The following AGBL1 variants were observed in gnomAD, a reference collection of about 807,000 sequenced individuals.
AGBL1 encodes cytosolic carboxypeptidase 4.
Under a neutral mutation model 118.9 loss-of-function variants are expected in AGBL1, and 130 were observed. The observed-to-expected ratio is 1.09, with a 90% confidence interval of 0.95 to 1.26. The LOEUF (loss-of-function observed/expected upper bound fraction) is 1.26. Among genes scored for constraint, AGBL1 ranks in the 50% most tolerant of loss-of-function variants. The probability of loss-of-function intolerance (pLI) is 0.00; values close to 1 mark genes in which losing one functional copy is unlikely to be tolerated. For synonymous variants in AGBL1, 555 were observed against 478.9 expected (o/e 1.16, Z -2.08); for missense variants, 1,584 against 1,298.1 (o/e 1.22, Z -3.38).
intron 22 of AGBL1, among the ~76,000 whole-genome samples, chr15:86,715,499 G>A (rs2086623983): frequency 6.6e-6 from 1 of 152,126 alleles, no homozygotes; most frequent in Admixed American, 6.5e-5. Flanking sequence ...TGGTGATTTA[G>A]TCTTATTTTA....
At chr15:86,795,281 G>A (rs942756847) in intron 22 of AGBL1, among the ~76,000 whole-genome samples, 3 of 152,150 alleles carry the variant, frequency 2.0e-5, no homozygotes, top group African/African-American at 7.2e-5. Flanking sequence ...CCTGGACGGA[G>A]GCTGATTGGT....
intron 24 of AGBL1, among the ~76,000 whole-genome samples, chr15:87,014,233 A>G (rs1008251652): frequency 2.0e-5 from 3 of 151,956 alleles, no homozygotes; most frequent in Non-Finnish European, 2.9e-5. Flanking sequence ...CACAATATAT[A>G]TGTCTAATGT....
intron 23 of AGBL1, among the ~76,000 whole-genome samples, chr15:86,961,154 TG>T (rs2080988876): frequency 6.6e-6 from 1 of 152,102 alleles, no homozygotes; most frequent in South Asian, 2.1e-4. Context: ...TAGCTTGATG[TG>T]GTTATCATTT....
chr15:86,611,076 A>G (rs2084647813), intron 21 of AGBL1, among the ~76,000 whole-genome samples: 1 of 152,178 alleles, frequency 6.6e-6, no homozygotes, highest in Non-Finnish European at 1.5e-5. Context: ...ACTAAACTAG[A>G]CTGCAAAATT....
rs115439106 is a variant in AGBL1 at position 86,527,920 on chromosome 15, T to G, written c.2685+4981T>G. Among the ~76,000 whole-genome samples, 652 of 152,272 alleles carry G rather than the reference T, an allele frequency of 4.3e-3. 6 individuals carry two copies. The highest frequency in any genetic ancestry group is 0.015 in the African/African-American group (603 of 41,546). On this transcript the variant is annotated intron_variant, in intron 19 of 22. Coordinates refer to ENST00000614907, the MANE Select transcript of AGBL1 (RefSeq NM_001386094.1). ...CTCATCCATATATCTGTCCATCCAC[T>G]CACCTAGCCATCCATCATCCATTCA... is the stretch of plus-strand genomic sequence containing the variant.
At chr15:86,083,274 C>T (rs1895413247) in intron 1 of AGBL1, 2 of 152,230 alleles carry the variant, frequency 1.3e-5, no homozygotes, top group South Asian at 4.1e-4. Context: ...GGGGAACTGC[C>T]AGCGTTGCAG....
chr15:86,361,600 A>G (rs183212578), intron 17 of AGBL1, among the ~76,000 whole-genome samples: 52 of 152,126 alleles, frequency 3.4e-4, no homozygotes, highest in Admixed American at 3.3e-3. Context: ...AGATCTGTCA[A>G]TGTTCACTTT....
chr15:87,027,908 C>T (rs1367079457), intron 24 of AGBL1, among the ~76,000 whole-genome samples: 1 of 151,718 alleles, frequency 6.6e-6, no homozygotes, highest in Non-Finnish European at 1.5e-5. Context: ...GGAGGGCAAG[C>T]CCCAGGAAGA....
intron 1 of AGBL1, among the ~76,000 whole-genome samples, chr15:86,091,149 C>A (rs1017405080): frequency 6.6e-6 from 1 of 152,112 alleles, no homozygotes; most frequent in Non-Finnish European, 1.5e-5. Context: ...GGAGATTTGC[C>A]TAGCAATATA....
chr15:86,362,511 T>A (rs1329889954), intron 17 of AGBL1, among the ~76,000 whole-genome samples: 4 of 152,206 alleles, frequency 2.6e-5, no homozygotes, highest in Admixed American at 6.5e-5. Context: ...GGATCCATAA[T>A]TCGGCTAAGT....
At position 86,907,732 on chromosome 15, in the gene AGBL1, T is replaced by C. The variant is rs1162340130; in HGVS notation, c.*438T>C. The C allele has an allele frequency of 6.6e-6, 1 of 152,162 alleles. No homozygotes were observed. The highest frequency in any genetic ancestry group is 1.5e-5 in the Non-Finnish European group (1 of 68,032). The allele number at this position is 152,162 out of a possible 1,614,324, so 9.4% of individuals were successfully genotyped here. A position where few individuals can be genotyped will look rare whatever the true frequency, so the allele number is the denominator to read the frequency against. The stretch of plus-strand genomic sequence containing the variant: ...ATACAAGTGTTATCTTCCAATGTTA[T>C]CTCCCCACCATAGCATTTGAGCACC... On this transcript the variant is annotated 3_prime_UTR_variant, in exon 23 of 23. Coordinates refer to ENST00000614907, the MANE Select transcript of AGBL1 (RefSeq NM_001386094.1).
chr15:86,215,309 C>T (rs555331090), intron 5 of AGBL1, among the ~76,000 whole-genome samples: 46 of 150,898 alleles, frequency 3.0e-4, no homozygotes, highest in African/African-American at 9.0e-4. Context: ...GGCAGGAGGC[C>T]GGCGCTGTAG....
At chr15:86,704,718 G>C (rs1356919760) in intron 22 of AGBL1, among the ~76,000 whole-genome samples, 1 of 152,180 alleles carries the variant, frequency 6.6e-6, no homozygotes, top group Non-Finnish European at 1.5e-5. Flanking sequence ...GTGGAAAACA[G>C]TGTGGCGATT....
chr15:86,183,501 T>C (rs2077581773), intron 5 of AGBL1, among the ~76,000 whole-genome samples: 2 of 152,154 alleles, frequency 1.3e-5, no homozygotes, highest in South Asian at 4.1e-4. Flanking sequence ...CATATGTATT[T>C]TCACCACACC....
chr15:86,663,506 C>T (rs1020651072), intron 21 of AGBL1, among the ~76,000 whole-genome samples: 22 of 152,006 alleles, frequency 1.4e-4, no homozygotes, highest in Non-Finnish European at 2.9e-5. Context: ...GGATGTGGAG[C>T]TTAGGGATCA....
chr15:86,080,047 A>G, intron 1 of AGBL1, 24 bp downstream of exon 1: 1 of 1,232,082 alleles, frequency 8.1e-7, no homozygotes, highest in Non-Finnish European at 1.0e-6. Context: ...GAGTGGGTGC[A>G]GAACCCGGCG....
At chr15:86,243,535 A>G (rs2078670811) in intron 6 of AGBL1, among the ~76,000 whole-genome samples, 1 of 152,172 alleles carries the variant, frequency 6.6e-6, no homozygotes, top group Non-Finnish European at 1.5e-5. Context: ...TGCCAAAGGA[A>G]AACTGGCCAA....
intron 9 of AGBL1, among the ~76,000 whole-genome samples, chr15:86,259,671 A>G (rs1222402782): frequency 2.0e-5 from 3 of 152,204 alleles, no homozygotes; most frequent in Non-Finnish European, 2.9e-5. Flanking sequence ...ATCATTTCTG[A>G]AGTCATCCGT....
At chr15:86,733,293 A>G (rs1195987119) in intron 22 of AGBL1, among the ~76,000 whole-genome samples, 1 of 152,138 alleles carries the variant, frequency 6.6e-6, no homozygotes, top group Non-Finnish European at 1.5e-5. Flanking sequence ...AGAGAGTGTG[A>G]TAAAAAGTTT....
Sources: allele counts gnomAD v4.1 joint callset (sites outside exome capture counted in the v4.1 genomes callset), GRCh38; gene constraint gnomAD v4.1.1; transcripts MANE v1.5; gene names NCBI Gene and HGNC (gene_info 2026-07-23, HGNC 2026-07-21).